Variants in SNX5 observed in about 807,000 individuals in gnomAD.
SNX5 encodes sorting nexin 5, also known as sorting nexin-5.
In SNX5, 31 loss-of-function variants were observed where a neutral mutation model predicts 53.9. That is an observed-to-expected ratio of 0.58 (90% CI 0.43 to 0.78). SNX5 has a LOEUF of 0.78. Ranked by LOEUF, SNX5 falls within the 30% of genes least tolerant of loss-of-function variation. The probability of loss-of-function intolerance (pLI) is 0.00; values close to 1 mark genes in which losing one functional copy is unlikely to be tolerated. For missense variants in SNX5, 471 were observed against 478.8 expected (o/e 0.98, Z 0.15); for synonymous variants, 168 against 171.1 (o/e 0.98, Z 0.14).
In SNX5 at chr20:17,968,645, C is replaced by T. The variant is rs2035620067; in HGVS notation, c.-220G>A. 1 of 613,766 alleles carries T rather than the reference C, an allele frequency of 1.6e-6. No individual in the cohort carries two copies. Among genetic ancestry groups the T allele is most frequent in the South Asian group, 1.6e-5 (1 of 61,554 alleles). 38.0% of individuals were successfully genotyped at this position (613,766 alleles called of 1,614,324 possible). On this transcript the variant is annotated 5_prime_UTR_variant, in exon 1 of 13. The change creates a premature stop within an existing upstream ORF in the 5' untranslated region. Transcript: ENST00000377759. ...CACGTGCTCCCCCAGAGCAGCCTCCCAGTCCCCGCTGCCGTCCATCTTGGA... is the reference window on the plus strand; with the variant it reads ...CACGTGCTCCCCCAGAGCAGCCTCCTAGTCCCCGCTGCCGTCCATCTTGGA...
At chr20:17,956,690 AAAAAAAAAAAAAAAC>A (rs2035364029) in intron 2 of SNX5, among the ~76,000 whole-genome samples, 3 of 145,228 alleles carry the variant, frequency 2.1e-5, no homozygotes, top group East Asian at 2.2e-4. Flanking sequence ...AAAAAAAAAA[AAAAAAAAAAAAAAAC>A]AAAAAAACAA....
intron 1 of SNX5, chr20:17,968,011 C>A: frequency 5.0e-6 from 2 of 398,192 alleles, no homozygotes; most frequent in South Asian, 2.6e-4. Flanking sequence ...ACTGGTCTGT[C>A]GCATGTTAAG....
chr20:17,961,873 G>C (rs2035457666), intron 1 of SNX5: 1 of 985,274 alleles, frequency 1.0e-6, no homozygotes, highest in Non-Finnish European at 1.2e-6. Context: ...TTTTCAGCTG[G>C]AAAGATATCC....
intron 10 of SNX5, among the ~76,000 whole-genome samples, chr20:17,948,538 T>C (rs1157902270): frequency 6.6e-6 from 1 of 152,258 alleles, no homozygotes; most frequent in Non-Finnish European, 1.5e-5. Context: ...CAAAGGTTAT[T>C]CTGCTTACCA....
Position 17,954,108 on chromosome 20 carries a change from C to A in SNX5, c.277G>T (p.Ala93Ser), listed in dbSNP as rs778034613. 8 of 1,613,506 alleles carry A rather than the reference C, an allele frequency of 5.0e-6. No homozygotes were observed. In the East Asian group the frequency reaches 1.8e-4, roughly 36 times the overall value. ...TDYAGLIIPPAPTKPDFDGPR... is the reference protein window; with the variant it reads ...TDYAGLIIPPSPTKPDFDGPR... ...CCATCAAAGTCGGGCTTCGTAGGAG[C>A]AGGTGGAATCTGCAGCAGAGGCAGG... The change falls in exon 4 of 13, where the codon GCT becomes TCT. Residue 93 changes from alanine to serine, a missense_variant. By Grantham distance (99) the Ala-to-Ser change is moderately conservative. Transcript: ENST00000377759.
chr20:17,968,240 GGGTCTC>G (rs2035596404), intron 1 of SNX5, 129 bp downstream of exon 1: 1 of 652,592 alleles, frequency 1.5e-6, no homozygotes, highest in Admixed American at 4.3e-5. Context: ...GGGGCCGCCC[GGGTCTC>G]ACGGGTGCTT....
intron 1 of SNX5, among the ~76,000 whole-genome samples, chr20:17,960,585 A>G (rs2122408478): frequency 6.7e-6 from 1 of 148,494 alleles, no homozygotes; most frequent in Non-Finnish European, 1.5e-5. Flanking sequence ...TGAGAGCGAA[A>G]CTCCGTCTTA....
At chr20:17,949,296 T>C (rs1165394175) in intron 8 of SNX5, among the ~76,000 whole-genome samples, 193 bp from the exon 9 acceptor site, 1 of 152,234 alleles carries the variant, frequency 6.6e-6, no homozygotes, top group Non-Finnish European at 1.5e-5. Flanking sequence ...TACACACATG[T>C]ACAGCACCAC....
Position 17,968,016 on chromosome 20 carries a change from G to A in SNX5, c.51+359C>T, listed in dbSNP as rs905413873. 3.8e-5 allele frequency: 15 copies of A among 398,388 alleles called. No individual in the cohort carries two copies. The Admixed American group carries it at 5.3e-4, about 14-fold the overall frequency. The allele number at this position is 398,388 out of a possible 1,614,324, so 24.7% of individuals were successfully genotyped here. A position where few individuals can be genotyped will look rare whatever the true frequency, so the allele number is the denominator to read the frequency against. On this transcript the variant is annotated intron_variant, in intron 1 of 12. Coordinates refer to ENST00000377759, the MANE Select transcript of SNX5 (RefSeq NM_014426.4). ...AACAAACCAAACTGGTCTGTCGCAT[G>A]TTAAGTCAATTTCACGTTCACCTAC...
chr20:17,963,043 C>A, intron 1 of SNX5: 1 of 368,096 alleles, frequency 2.7e-6, no homozygotes, highest in Non-Finnish European at 5.4e-6. Flanking sequence ...CATCTAATTA[C>A]TAAGTACCGA....
At chr20:17,961,215 C>G (rs957047478) in intron 1 of SNX5, 61 of 985,304 alleles carry the variant, frequency 6.2e-5, no homozygotes, top group Non-Finnish European at 7.2e-5. Context: ...AGCTCCTGCC[C>G]ACCAGTCTTC....
chr20:17,952,482 A>G (rs1305116492), intron 5 of SNX5, 105 bp downstream of exon 5: 11 of 1,147,638 alleles, frequency 9.6e-6, no homozygotes, highest in Non-Finnish European at 1.3e-5. Context: ...AAAGGTTTCC[A>G]TTGTGTAAGA....
chr20:17,954,718 T>G (rs1460698903), intron 3 of SNX5, among the ~76,000 whole-genome samples: 2 of 152,144 alleles, frequency 1.3e-5, no homozygotes, highest in East Asian at 3.9e-4. Context: ...GAGCACTTTT[T>G]TTGTTTTTGG....
chr20:17,942,343 T>C lies in SNX5; in HGVS notation c.*14A>G, dbSNP rs762972531. Reference sequence around the variant, plus strand: ...TCTTTCACATTCATTTCTTTTCTTCTGAGTGAAGGCATATCAGTTATTCTT... The same window carrying C: ...TCTTTCACATTCATTTCTTTTCTTCCGAGTGAAGGCATATCAGTTATTCTT... On this transcript the variant is annotated 3_prime_UTR_variant, in exon 13 of 13. Transcript: ENST00000377759. 3.9e-6 allele frequency: 6 copies of C among 1,552,082 alleles called. No individual in the cohort carries two copies. Among genetic ancestry groups the C allele is most frequent in the South Asian group, 1.1e-5 (1 of 89,794 alleles).
chr20:17,961,787 G>A (rs1192029023), intron 1 of SNX5: 15 of 985,250 alleles, frequency 1.5e-5, no homozygotes, highest in Non-Finnish European at 1.6e-5. Context: ...CTAAGATTTT[G>A]CCAGCAAGAG....
intron 4 of SNX5, 54 bp downstream of exon 4, chr20:17,953,942 A>G (rs2035308539): frequency 6.9e-7 from 1 of 1,458,714 alleles, no homozygotes; most frequent in East Asian, 2.3e-5. Context: ...TTTTGTACAC[A>G]GCACCACTTT....
chr20:17,965,421 G>C (rs1337484367), intron 1 of SNX5, among the ~76,000 whole-genome samples: 1 of 152,182 alleles, frequency 6.6e-6, no homozygotes, highest in Admixed American at 6.5e-5. Flanking sequence ...AACAAATCTA[G>C]AAAACTTAAC....
intron 2 of SNX5, among the ~76,000 whole-genome samples, chr20:17,956,685 A>G (rs1463379222): frequency 1.9e-4 from 14 of 74,084 alleles, no homozygotes; most frequent in African/African-American, 5.5e-4. Context: ...AAAAAAAAAA[A>G]AAAAAAAAAA....
At chr20:17,951,739 A>G in intron 5 of SNX5, 144 bp from the exon 6 acceptor site, 2 of 604,314 alleles carry the variant, frequency 3.3e-6, no homozygotes, top group Non-Finnish European at 6.0e-6. Context: ...TTAACCTCCA[A>G]GCTTAAAACA....
Sources: allele counts gnomAD v4.1 joint callset (sites outside exome capture counted in the v4.1 genomes callset), GRCh38; gene constraint gnomAD v4.1.1; transcripts MANE v1.5; gene names NCBI Gene and HGNC (gene_info 2026-07-23, HGNC 2026-07-21).